The following DAB1 variants were observed in gnomAD, a reference collection of about 807,000 sequenced individuals.
The protein encoded by DAB1 is disabled homolog 1.
DAB1 carries 15 observed loss-of-function variants against 64.6 expected under a neutral mutation model. The observed-to-expected ratio is 0.23, with a 90% CI of 0.16 to 0.36. The LOEUF is 0.36. Ranked by LOEUF, DAB1 falls within the 10% of genes least tolerant of loss-of-function variation. The pLI is 1.00. For missense variants in DAB1, 596 were observed against 706.7 expected (o/e 0.84, Z 1.78); for synonymous variants, 235 against 251.9 (o/e 0.93, Z 0.64).
chr1:57,223,567 C>A (rs1184958529), intron 2 of DAB1, among the ~76,000 whole-genome samples: 5 of 152,154 alleles, frequency 3.3e-5, no homozygotes, highest in African/African-American at 1.2e-4. Flanking sequence ...GACAGCAGTT[C>A]TTTTTAACTG....
intron 3 of DAB1, among the ~76,000 whole-genome samples, chr1:58,487,502 T>C (rs557469052): frequency 2.0e-5 from 3 of 152,356 alleles, no homozygotes; most frequent in East Asian, 3.9e-4. Context: ...CTTAATAACA[T>C]ACCTTTCTAC....
intron 4 of DAB1, among the ~76,000 whole-genome samples, chr1:57,106,292 T>A (rs758333028): frequency 1.5e-4 from 22 of 147,224 alleles, no homozygotes; most frequent in Non-Finnish European, 3.3e-4. Flanking sequence ...GCATTGAATG[T>A]TTGGGGGGAA....
chr1:58,019,465 C>G (rs1646786296), intron 5 of DAB1, among the ~76,000 whole-genome samples: 1 of 152,146 alleles, frequency 6.6e-6, no homozygotes, highest in Non-Finnish European at 1.5e-5. Flanking sequence ...AGAGAATAAA[C>G]TAACAATTAT....
intron 7 of DAB1, among the ~76,000 whole-genome samples, chr1:57,537,092 CAGAT>C (rs1440638066): frequency 2.0e-5 from 3 of 152,164 alleles, no homozygotes; most frequent in Non-Finnish European, 2.9e-5. Flanking sequence ...GAAATGATGT[CAGAT>C]AGACTGTGTT....
chr1:57,165,438 A>G (rs1490069374), intron 2 of DAB1, among the ~76,000 whole-genome samples: 1 of 152,186 alleles, frequency 6.6e-6, no homozygotes, highest in Non-Finnish European at 1.5e-5. Flanking sequence ...ATAGGATAAA[A>G]CAATCAATAG....
rs1666529307 is a variant in DAB1 at position 57,217,671 on chromosome 1, A to G, written c.68-72242T>C. Among the ~76,000 whole-genome samples the G allele has an allele frequency of 3.9e-5, 6 of 152,312 alleles. No individual in the cohort carries two copies. In the South Asian group the frequency reaches 1.0e-3, roughly 26 times the overall value. ...ACCACAGGGCCACAGAATGCACTAA[A>G]GCCAATAGTCATTTTTTATTTTCCT... On this transcript the variant is annotated intron_variant, in intron 2 of 14. Coordinates refer to ENST00000371236, the MANE Select transcript of DAB1 (RefSeq NM_001365792.1).
chr1:58,103,894 G>T (rs770192887), intron 5 of DAB1, among the ~76,000 whole-genome samples: 2 of 151,884 alleles, frequency 1.3e-5, no homozygotes, highest in African/African-American at 4.8e-5. Context: ...CATTTTCTTC[G>T]TGGAGGTCAT....
chr1:58,256,659 G>T (rs1301882751), intron 4 of DAB1, among the ~76,000 whole-genome samples: 2 of 152,178 alleles, frequency 1.3e-5, no homozygotes, highest in Non-Finnish European at 2.9e-5. Flanking sequence ...TGTTTATACT[G>T]TCTGTCTGTC....
intron 7 of DAB1, among the ~76,000 whole-genome samples, chr1:57,449,243 A>G (rs1418590952): frequency 6.6e-6 from 1 of 152,244 alleles, no homozygotes; most frequent in East Asian, 1.9e-4. Flanking sequence ...GTTCTGTGAC[A>G]TTATAAAAAC....
At chr1:57,747,330 T>C (rs1272631368) in intron 6 of DAB1, among the ~76,000 whole-genome samples, 1 of 152,194 alleles carries the variant, frequency 6.6e-6, no homozygotes, top group Non-Finnish European at 1.5e-5. Flanking sequence ...TATCCATAAC[T>C]TTCTTGCATG....
At chr1:57,585,529 T>C (rs1168728094) in intron 7 of DAB1, among the ~76,000 whole-genome samples, 1 of 152,204 alleles carries the variant, frequency 6.6e-6, no homozygotes, top group East Asian at 1.9e-4. Flanking sequence ...GTAGTCTTCT[T>C]TCCTTGAACG....
intron 5 of DAB1, among the ~76,000 whole-genome samples, chr1:58,068,766 AAAAAAAAAAAAAAACC>A (rs958685941): frequency 7.9e-6 from 1 of 126,702 alleles, no homozygotes; most frequent in Non-Finnish European, 1.6e-5. Flanking sequence ...ACTCCATCTC[AAAAAAAAAAAAAAACC>A]AAAAAAAAAA....
At chr1:57,305,776 TGG>T (rs2100714691) in intron 1 of DAB1, among the ~76,000 whole-genome samples, 1 of 152,114 alleles carries the variant, frequency 6.6e-6, no homozygotes, top group African/African-American at 2.4e-5. Flanking sequence ...GAGACCATCC[TGG>T]CTAACATGGT....
intron 1 of DAB1, among the ~76,000 whole-genome samples, chr1:57,374,761 T>C (rs1240990115): frequency 6.6e-6 from 1 of 152,208 alleles, no homozygotes; most frequent in African/African-American, 2.4e-5. Flanking sequence ...GGGTAGCACC[T>C]CTAGGGACAA....
intron 1 of DAB1, among the ~76,000 whole-genome samples, chr1:57,404,947 T>C (rs1683515513): frequency 6.6e-6 from 1 of 152,184 alleles, no homozygotes; most frequent in African/African-American, 2.4e-5. Flanking sequence ...AAAAGATAAA[T>C]AAATATTTAT....
intron 2 of DAB1, among the ~76,000 whole-genome samples, chr1:57,184,524 C>T (rs927774024): frequency 6.6e-6 from 1 of 152,130 alleles, no homozygotes; most frequent in Non-Finnish European, 1.5e-5. Context: ...CCTGGCAAAC[C>T]CTCATTATCA....
intron 4 of DAB1, among the ~76,000 whole-genome samples, chr1:57,088,162 C>T (rs995724057): frequency 2.0e-5 from 3 of 152,204 alleles, no homozygotes; most frequent in Non-Finnish European, 4.4e-5. Context: ...TCTCCACCTC[C>T]TGGGTTCAAG....
chr1:57,667,618 T>C (rs1239115351), intron 6 of DAB1, among the ~76,000 whole-genome samples: 1 of 152,090 alleles, frequency 6.6e-6, no homozygotes, highest in Admixed American at 6.6e-5. Flanking sequence ...AGTAGTGCTA[T>C]CCTGTATAGT....
chr1:58,166,388 T>C (rs1216289219), intron 4 of DAB1, among the ~76,000 whole-genome samples: 3 of 152,232 alleles, frequency 2.0e-5, no homozygotes, highest in African/African-American at 7.2e-5. Context: ...TTTTCCCAGA[T>C]ATTTGTTACA....
Sources: allele counts gnomAD v4.1 joint callset (sites outside exome capture counted in the v4.1 genomes callset), GRCh38; gene constraint gnomAD v4.1.1; transcripts MANE v1.5; gene names NCBI Gene and HGNC (gene_info 2026-07-23, HGNC 2026-07-21).